HDAC9: variants seen among roughly 807,000 people sequenced by gnomAD.
The protein encoded by HDAC9 is MEF-2 interacting transcription repressor (MITR) protein.
Under a neutral mutation model 139.4 loss-of-function variants are expected in HDAC9, and 41 were observed. That is an observed-to-expected ratio of 0.29 (90% CI 0.23 to 0.38). The LOEUF is 0.38. Among genes scored for constraint, HDAC9 ranks in the 10% least tolerant of loss-of-function variants. HDAC9 has a pLI of 1.00. For synonymous variants in HDAC9, 517 were observed against 476.2 expected (o/e 1.09, Z -1.12); for missense variants, 1,147 against 1,297.0 (o/e 0.88, Z 1.78).
At chr7:18,498,432 C>T (rs1410933876) in intron 2 of HDAC9, among the ~76,000 whole-genome samples, 1 of 152,092 alleles carries the variant, frequency 6.6e-6, no homozygotes, top group Non-Finnish European at 1.5e-5. Context: ...AACTGAGATT[C>T]ACTGCTGTAG....
intron 22 of HDAC9, among the ~76,000 whole-genome samples, chr7:18,910,445 T>G (rs370635657): frequency 1.2e-4 from 19 of 152,106 alleles, no homozygotes; most frequent in African/African-American, 4.1e-4. Context: ...AGGAATTCTT[T>G]GATGGATTCT....
At chr7:18,231,532 A>G (rs763698829) in intron 2 of HDAC9, among the ~76,000 whole-genome samples, 5 of 152,226 alleles carry the variant, frequency 3.3e-5, no homozygotes, top group Non-Finnish European at 5.9e-5. Flanking sequence ...TTTCCTTATC[A>G]GGAATAAAAA....
intron 2 of HDAC9, among the ~76,000 whole-genome samples, chr7:18,199,500 A>G (rs1260698125): frequency 6.6e-6 from 1 of 152,108 alleles, no homozygotes; most frequent in Admixed American, 6.6e-5. Context: ...AAGAGATTAA[A>G]ATAGGGTGGG....
chr7:18,504,966 A>G (rs1799358272), intron 2 of HDAC9, among the ~76,000 whole-genome samples: 1 of 152,232 alleles, frequency 6.6e-6, no homozygotes, highest in Non-Finnish European at 1.5e-5. Flanking sequence ...ACAAATACCT[A>G]GACAGACTTC....
At chr7:18,210,153 A>T (rs1413755860) in intron 2 of HDAC9, among the ~76,000 whole-genome samples, 1 of 152,106 alleles carries the variant, frequency 6.6e-6, no homozygotes, top group Non-Finnish European at 1.5e-5. Flanking sequence ...TGTCTTGTTC[A>T]TTGGGCATTT....
chr7:18,443,493 G>A (rs1459080210), intron 1 of HDAC9, among the ~76,000 whole-genome samples: 1 of 152,134 alleles, frequency 6.6e-6, no homozygotes, highest in Non-Finnish European at 1.5e-5. Flanking sequence ...TTATACCATA[G>A]GGTGAATAGT....
intron 12 of HDAC9, chr7:18,667,098 C>T (rs1795065477): frequency 1.0e-6 from 1 of 985,124 alleles, no homozygotes; most frequent in South Asian, 4.7e-5. Flanking sequence ...ATTAGGAATA[C>T]AGGTGGTTTT....
At chr7:18,744,621 A>G (rs760062593) in intron 13 of HDAC9, among the ~76,000 whole-genome samples, 1 of 152,226 alleles carries the variant, frequency 6.6e-6, no homozygotes, top group African/African-American at 2.4e-5. Flanking sequence ...TAAATTGTCT[A>G]TAAAGACTCT....
chr7:18,469,368 C>G (rs1794551591), intron 1 of HDAC9, among the ~76,000 whole-genome samples: 1 of 151,892 alleles, frequency 6.6e-6, no homozygotes, highest in African/African-American at 2.4e-5. Flanking sequence ...TCTCATAAAT[C>G]AAAAAGCAGT....
chr7:18,177,986 T>C (rs1789067871), intron 2 of HDAC9, among the ~76,000 whole-genome samples: 1 of 152,130 alleles, frequency 6.6e-6, no homozygotes, highest in Non-Finnish European at 1.5e-5. Flanking sequence ...TGCTTATTCA[T>C]TTGTTGACTT....
chr7:18,779,755 GGGTCACCT>G (rs1348853282), intron 16 of HDAC9, among the ~76,000 whole-genome samples: 1 of 151,938 alleles, frequency 6.6e-6, no homozygotes, highest in East Asian at 1.9e-4. Context: ...CCACCCTGTG[GGGTCACCT>G]TGAGTAGATT....
intron 16 of HDAC9, among the ~76,000 whole-genome samples, chr7:18,777,970 G>T (rs1042791308): frequency 2.6e-5 from 4 of 151,868 alleles, no homozygotes; most frequent in African/African-American, 9.7e-5. Context: ...AGGTTTTATT[G>T]CTAAAGATGC....
chr7:18,847,530 AC>A (rs1796992932), intron 21 of HDAC9, among the ~76,000 whole-genome samples: 2 of 151,978 alleles, frequency 1.3e-5, no homozygotes, highest in South Asian at 4.2e-4. Context: ...TAAGTGAGGA[AC>A]CCTCCTGTGG....
chr7:18,575,812 AT>A (rs1334192351), intron 2 of HDAC9, among the ~76,000 whole-genome samples: 2 of 152,208 alleles, frequency 1.3e-5, no homozygotes, highest in African/African-American at 4.8e-5. Context: ...TACTAATTTT[AT>A]TCCCATAATC....
At chr7:18,412,624 A>G (rs1281433318) in intron 1 of HDAC9, among the ~76,000 whole-genome samples, 1 of 152,184 alleles carries the variant, frequency 6.6e-6, no homozygotes, top group East Asian at 1.9e-4. Flanking sequence ...TGCATCACTA[A>G]GGGACTCACG....
intron 2 of HDAC9, among the ~76,000 whole-genome samples, chr7:18,213,371 T>TAGAA (rs1792085779): frequency 6.6e-6 from 1 of 152,164 alleles, no homozygotes; most frequent in Admixed American, 6.6e-5. Context: ...GCTTTACGTG[T>TAGAA]AGAAAGATGG....
intron 25 of HDAC9, among the ~76,000 whole-genome samples, chr7:18,978,145 A>G (rs533779078): frequency 1.3e-5 from 2 of 152,318 alleles, no homozygotes; most frequent in South Asian, 4.1e-4. Context: ...TTGAAAAATT[A>G]GAAAAATCAG....
chr7:18,694,117 A>T (rs541749348), intron 12 of HDAC9, among the ~76,000 whole-genome samples: 1 of 152,286 alleles, frequency 6.6e-6, no homozygotes, highest in South Asian at 2.1e-4. Context: ...TAAAGACCAA[A>T]TGATGACGTT....
chr7:18,483,557 C>CA (rs1460359117), intron 1 of HDAC9, among the ~76,000 whole-genome samples: 1 of 152,064 alleles, frequency 6.6e-6, no homozygotes, highest in Non-Finnish European at 1.5e-5. Context: ...GAAGGGTGGC[C>CA]ATGTTGTCTA....
Sources: allele counts gnomAD v4.1 joint callset (sites outside exome capture counted in the v4.1 genomes callset), GRCh38; gene constraint gnomAD v4.1.1; transcripts MANE v1.5; gene names NCBI Gene and HGNC (gene_info 2026-07-23, HGNC 2026-07-21).